Variants in PAX8 observed in about 807,000 individuals in gnomAD.
The protein encoded by PAX8 is paired box 8.
In PAX8, 15 loss-of-function variants were observed where a neutral mutation model predicts 52.4. The observed-to-expected ratio is 0.29, with a 90% CI of 0.19 to 0.44. The LOEUF (loss-of-function observed/expected upper bound fraction) is 0.44. PAX8 is among the 20% of genes least tolerant of loss of function. The pLI, the probability that PAX8 is intolerant of heterozygous loss-of-function variation, is 1.00. For synonymous variants in PAX8, 284 were observed against 249.7 expected, an observed-to-expected ratio of 1.14 and a Z score of -1.29; for missense variants, 554 against 602.5, an observed-to-expected ratio of 0.92 and a Z score of 0.84.
chr2:113,249,456 GT>G (rs1691592259), intron 2 of PAX8, among the ~76,000 whole-genome samples: 3 of 152,150 alleles, frequency 2.0e-5, no homozygotes, highest in Non-Finnish European at 4.4e-5. Context: ...AAACCTAGGT[GT>G]TTAGGCTGGG....
chr2:113,229,437 G>A (rs1461301379), intron 9 of PAX8, among the ~76,000 whole-genome samples: 2 of 152,222 alleles, frequency 1.3e-5, no homozygotes, highest in African/African-American at 2.4e-5. Flanking sequence ...AGAATAAAGA[G>A]CCATCAGTGT....
chr2:113,216,086 G>A lies in PAX8; in HGVS notation c.*2447C>T, dbSNP rs1342789749. 2 of 226,852 alleles carry A rather than the reference G, an allele frequency of 8.8e-6. No individual in the cohort carries two copies. Among genetic ancestry groups the A allele is most frequent in the Non-Finnish European group, 1.8e-5 (2 of 114,076 alleles). 14.1% of individuals were successfully genotyped at this position (226,852 alleles called of 1,614,324 possible). A position where few individuals can be genotyped will look rare whatever the true frequency, so the allele number is the denominator to read the frequency against. On this transcript the variant is annotated 3_prime_UTR_variant, in exon 12 of 12. Coordinates refer to ENST00000429538, the MANE Select transcript of PAX8 (RefSeq NM_003466.4). ...GGTACAGAGTGTCCCCAGAGGGGCT[G>A]TGGCTGTGAATGCAAGGGATCGCTC...
rs147083084 is a variant in PAX8 at position 113,258,116 on chromosome 2, G to A, written c.26-11197C>T. Among the ~76,000 whole-genome samples, 87 of 152,276 alleles carry A rather than the reference G, an allele frequency of 5.7e-4. 1 individual carries two copies. Among genetic ancestry groups the A allele is most frequent in the African/African-American group, 1.8e-3 (75 of 41,550 alleles). On this transcript the variant is annotated intron_variant, in intron 2 of 11. Transcript: ENST00000429538. ...GCCCTAAGAGCGAATATGTCCTTTCGTCACCTACCAAGTATGGGTGCTTTC... is the reference window on the plus strand; with the variant it reads ...GCCCTAAGAGCGAATATGTCCTTTCATCACCTACCAAGTATGGGTGCTTTC...
At position 113,219,275 on chromosome 2, in the gene PAX8, G is replaced by A. The variant is rs547403484; in HGVS notation, c.1277-666C>T. Among the ~76,000 whole-genome samples the A allele has an allele frequency of 5.3e-5, 8 of 152,314 alleles. No homozygotes were observed. In the South Asian group the frequency reaches 1.5e-3, roughly 28 times the overall value. ...TAATGGGAGGAGAGGGGGTCTTGGG[G>A]AATGGATGGTTCCTAGCCTGCAATG... is the stretch of plus-strand genomic sequence containing the variant. On this transcript the variant is annotated intron_variant, in intron 11 of 11. Transcript: ENST00000429538.
At chr2:113,259,071 C>T (rs1326433327) in intron 2 of PAX8, 1 of 152,306 alleles carries the variant, frequency 6.6e-6, no homozygotes, top group Non-Finnish European at 1.5e-5. Context: ...TCACCAAGTC[C>T]AAGGGTTCCC....
intron 2 of PAX8, among the ~76,000 whole-genome samples, chr2:113,262,075 C>T (rs1032103296): frequency 6.6e-6 from 1 of 152,226 alleles, no homozygotes; most frequent in African/African-American, 2.4e-5. Context: ...GGTGATCCAC[C>T]TGCCTCGGCC....
intron 2 of PAX8, among the ~76,000 whole-genome samples, chr2:113,277,896 T>C (rs1693938433): frequency 6.6e-6 from 1 of 152,028 alleles, no homozygotes; most frequent in South Asian, 2.1e-4. Flanking sequence ...ACCGGCTCCA[T>C]TGCCGTTGGC....
At chr2:113,234,770 G>A (rs1163791973) in intron 9 of PAX8, among the ~76,000 whole-genome samples, 1 of 152,202 alleles carries the variant, frequency 6.6e-6, no homozygotes, top group Admixed American at 6.5e-5. Flanking sequence ...CACCTGCCTC[G>A]GCCTCCCAAA....
At chr2:113,260,668 A>C (rs1048838462) in intron 2 of PAX8, among the ~76,000 whole-genome samples, 4 of 152,136 alleles carry the variant, frequency 2.6e-5, no homozygotes, top group African/African-American at 9.7e-5. Context: ...AATATTGAAT[A>C]TAATGAAGTC....
At chr2:113,255,160 GAAA>G (rs556351030) in intron 2 of PAX8, among the ~76,000 whole-genome samples, 8 of 142,620 alleles carry the variant, frequency 5.6e-5, no homozygotes, top group Non-Finnish European at 1.1e-4. Context: ...AAGGAAGGAA[GAAA>G]AAAAGAAGGA....
intron 2 of PAX8, among the ~76,000 whole-genome samples, chr2:113,277,779 G>T (rs116526363): frequency 0.016 from 2,510 of 152,278 alleles, 60 homozygotes; most frequent in African/African-American, 0.056. Flanking sequence ...GAGCGGCTTA[G>T]TCCTCACCAG....
At chr2:113,251,953 A>G (rs1034911638) in intron 2 of PAX8, among the ~76,000 whole-genome samples, 1 of 152,180 alleles carries the variant, frequency 6.6e-6, no homozygotes, top group African/African-American at 2.4e-5. Flanking sequence ...GTGTTTTCTT[A>G]TATACAAGTG....
At chr2:113,227,093 TC>T in intron 10 of PAX8, 61 bp downstream of exon 10, 1 of 1,540,156 alleles carries the variant, frequency 6.5e-7, no homozygotes, top group Non-Finnish European at 8.7e-7. Context: ...GCTCCTTGTG[TC>T]CCACCTTGCT....
At position 113,242,680 on chromosome 2, in the gene PAX8, C is replaced by T. The variant is rs1558716346; in HGVS notation, c.478+10G>A. 2 of 1,599,328 alleles carry T rather than the reference C, an allele frequency of 1.3e-6. No individual in the cohort carries two copies. Among genetic ancestry groups the T allele is most frequent in the African/African-American group, 1.3e-5 (1 of 74,700 alleles). ...AGCATGTGTGTGTATCCAGGTCTCT[C>T]AGCACTCACTCAGCGTGTGTCCGGG... On this transcript the variant is annotated intron_variant, in intron 5 of 11. Coordinates refer to ENST00000429538, the MANE Select transcript of PAX8 (RefSeq NM_003466.4).
At position 113,217,117 on chromosome 2, in the gene PAX8, T is replaced by C; in HGVS notation, c.*1416A>G. 1 of 229,220 alleles carries C rather than the reference T, an allele frequency of 4.4e-6. No individual in the cohort carries two copies. Among genetic ancestry groups the C allele is most frequent in the Admixed American group, 5.7e-5 (1 of 17,652 alleles). 14.2% of individuals were successfully genotyped at this position (229,220 alleles called of 1,614,324 possible). ...GCAACTCCTTGTGGGGAGTCTATGG[T>C]TGGCTCAGTACTGTGCTATCCTTGC... On this transcript the variant is annotated 3_prime_UTR_variant, in exon 12 of 12. Coordinates refer to ENST00000429538, the MANE Select transcript of PAX8 (RefSeq NM_003466.4).
chr2:113,257,925 G>A (rs1197488538), intron 2 of PAX8, among the ~76,000 whole-genome samples: 1 of 152,058 alleles, frequency 6.6e-6, no homozygotes, highest in East Asian at 1.9e-4. Context: ...GAACAGATTC[G>A]GCATGTAACA....
At chr2:113,226,831 T>G (rs1689607706) in intron 10 of PAX8, 1 of 1,273,364 alleles carries the variant, frequency 7.9e-7, no homozygotes, top group Non-Finnish European at 1.0e-6. Context: ...TGCTCTCCAT[T>G]TATGCTCACT....
intron 11 of PAX8, among the ~76,000 whole-genome samples, chr2:113,219,617 G>T (rs548235483): frequency 8.5e-5 from 13 of 152,344 alleles, no homozygotes; most frequent in Non-Finnish European, 1.8e-4. Flanking sequence ...TGAATCATGA[G>T]TATTTCTGAG....
intron 2 of PAX8, among the ~76,000 whole-genome samples, chr2:113,258,200 T>G (rs1378521554): frequency 1.3e-5 from 2 of 152,208 alleles, no homozygotes; most frequent in Non-Finnish European, 2.9e-5. Context: ...AATTTTTCCT[T>G]TTTAAATTTT....
Sources: gnomAD v4.1 joint callset for allele counts (sites outside exome capture counted in the v4.1 genomes callset) on GRCh38, gnomAD v4.1.1 for gene constraint, MANE v1.5 for transcripts, NCBI Gene and HGNC (gene_info 2026-07-23, HGNC 2026-07-21) for gene names.